Variants in CDH5 observed in about 807,000 individuals in gnomAD.
CDH5 encodes cadherin-5.
In CDH5, 28 loss-of-function variants were observed where a neutral mutation model predicts 62.0. The ratio of observed to expected loss-of-function variants is 0.45; its 90% CI spans 0.33 to 0.62. The LOEUF is 0.62. Ranked by LOEUF, CDH5 falls within the 20% of genes least tolerant of loss-of-function variation. The probability of loss-of-function intolerance (pLI) is 0.02; values close to 1 mark genes in which losing one functional copy is unlikely to be tolerated. For missense variants in CDH5, 940 were observed against 1,065.1 expected, an observed-to-expected ratio of 0.88 and a Z score of 1.63; for synonymous variants, 464 against 445.8, an observed-to-expected ratio of 1.04 and a Z score of -0.52.
chr16:66,366,785 C>T (rs1423677407), intron 1 of CDH5, 27 bp downstream of exon 1: 1 of 152,340 alleles, frequency 6.6e-6, no homozygotes, highest in African/African-American at 2.4e-5. Flanking sequence ...ACACTCCCCT[C>T]CACCCCAAAC....
At chr16:66,386,775 C>T (rs748547311) in intron 2 of CDH5, 34 bp from the exon 3 acceptor site, 21 of 1,553,576 alleles carry the variant, frequency 1.4e-5, no homozygotes, top group Non-Finnish European at 1.7e-5. Context: ...CCACTGCCGC[C>T]CATTCCCAGC....
chr16:66,369,256 A>AGAGTAGGAG (rs1352775011), intron 1 of CDH5, among the ~76,000 whole-genome samples: 3 of 152,152 alleles, frequency 2.0e-5, no homozygotes, highest in Non-Finnish European at 2.9e-5. Flanking sequence ...AGGAACAGAA[A>AGAGTAGGAG]GAGTAGGAGG....
rs761695825 is a variant in CDH5, at chr16:66,402,626, T to C, written c.1838-26T>C. On this transcript the variant is annotated intron_variant, in intron 11 of 11. Coordinates refer to ENST00000341529, the MANE Select transcript of CDH5 (RefSeq NM_001795.5). ...GCCCAGGCCCCCAGCCTTGTCTGAC[T>C]CTGCTGCTCGGCTCCCTGGCTGCAG... 3.9e-6 allele frequency: 6 copies of C among 1,533,704 alleles called. No individual in the cohort carries two copies. In the South Asian group the frequency reaches 7.8e-5, roughly 20 times the overall value.
chr16:66,368,348 C>G (rs940097441), intron 1 of CDH5, among the ~76,000 whole-genome samples: 1 of 152,156 alleles, frequency 6.6e-6, no homozygotes, highest in Non-Finnish European at 1.5e-5. Flanking sequence ...CCCTGAGCAG[C>G]CCTACCAATT....
intron 1 of CDH5, among the ~76,000 whole-genome samples, chr16:66,375,709 C>T (rs946136576): frequency 6.6e-6 from 1 of 151,806 alleles, no homozygotes; most frequent in Non-Finnish European, 1.5e-5. Context: ...AAACACCGTA[C>T]ACTTAGCTTC....
chr16:66,379,644 A>G (rs1383772822), intron 2 of CDH5, 97 bp downstream of exon 2: 5 of 1,045,574 alleles, frequency 4.8e-6, no homozygotes, highest in Non-Finnish European at 7.3e-6. Context: ...GTGGTAATAG[A>G]TATTGTGGTG....
chr16:66,385,454 G>A (rs1960966849), intron 2 of CDH5, among the ~76,000 whole-genome samples: 1 of 152,194 alleles, frequency 6.6e-6, no homozygotes, highest in African/African-American at 2.4e-5. Flanking sequence ...CTTTTCTGCA[G>A]AGCTGTACAT....
intron 2 of CDH5, among the ~76,000 whole-genome samples, chr16:66,381,821 C>T (rs986572795): frequency 2.0e-5 from 3 of 152,192 alleles, no homozygotes; most frequent in African/African-American, 4.8e-5. Flanking sequence ...ACAGATTGCC[C>T]GCAGCTGCTT....
intron 2 of CDH5, among the ~76,000 whole-genome samples, chr16:66,384,048 C>G (rs1960940478): frequency 1.3e-5 from 2 of 151,324 alleles, no homozygotes; most frequent in African/African-American, 4.9e-5. Flanking sequence ...GAGACCCCAG[C>G]CTCTCTTGAG....
At position 66,392,294 on chromosome 16, in the gene CDH5, C is replaced by T. The variant is rs564459111; in HGVS notation, c.1128C>T (p.Phe376=). ...VDEPPIFQQP[F]YHFQLKENQK... is the part of the protein sequence containing the mutation. ...AGCCCCCCATTTTCCAGCAGCCTTT[C>T]TACCACTTCCAGCTGAAGGAAAACC... Residue 376 remains phenylalanine (F), a synonymous_variant, in exon 7 of 12, where the codon TTC becomes TTT. Transcript: ENST00000341529. 23 of 1,614,138 alleles carry T rather than the reference C, an allele frequency of 1.4e-5. No homozygotes were observed. The South Asian group carries it at 2.3e-4, about 16-fold the overall frequency.
intron 7 of CDH5, chr16:66,395,624 T>G (rs1303670907): frequency 6.5e-6 from 1 of 153,100 alleles, no homozygotes; most frequent in Non-Finnish European, 1.5e-5. Context: ...CCATAGATTT[T>G]TCCTGATTTC....
At chr16:66,394,699 C>G (rs1961144038) in intron 7 of CDH5, among the ~76,000 whole-genome samples, 1 of 152,128 alleles carries the variant, frequency 6.6e-6, no homozygotes, top group African/African-American at 2.4e-5. Context: ...TAGACATACA[C>G]ACACCCATTG....
intron 1 of CDH5, among the ~76,000 whole-genome samples, chr16:66,376,804 T>C (rs1960795562): frequency 6.6e-6 from 1 of 152,122 alleles, no homozygotes; most frequent in Non-Finnish European, 1.5e-5. Flanking sequence ...AGCTGATACG[T>C]TTCCTCATTG....
intron 2 of CDH5, among the ~76,000 whole-genome samples, chr16:66,382,554 C>G (rs150239640): frequency 1.8e-3 from 269 of 152,308 alleles, no homozygotes; most frequent in Non-Finnish European, 3.0e-3. Flanking sequence ...TGTCTGACCT[C>G]AAGGAAAATC....
chr16:66,398,310 G>A (rs1596946528), intron 9 of CDH5, 146 bp from the exon 10 acceptor site: 1 of 772,446 alleles, frequency 1.3e-6, no homozygotes. Context: ...TAGAAAGAAT[G>A]GCTTTATGAA....
intron 7 of CDH5, among the ~76,000 whole-genome samples, chr16:66,393,338 A>G (rs1567466706): frequency 6.6e-6 from 1 of 152,234 alleles, no homozygotes; most frequent in Non-Finnish European, 1.5e-5. Flanking sequence ...CTATAAAGAA[A>G]TAGTTAAGAC....
rs1479886272 is a variant in CDH5 at position 66,389,479 on chromosome 16, C to A, written c.738C>A (p.Val246=). Residue 246 remains valine, a synonymous_variant, in exon 5 of 12, where the codon GTC becomes GTA. Transcript: ENST00000341529. ...ACTCGGGCACGGCCACCGTGCTGGT[C>A]ACTCTGCAAGACATCAATGACAACT... ...RGDSGTATVL[V]TLQDINDNFP... is the part of the protein sequence containing the mutation. 6.2e-7 allele frequency: 1 copy of A among 1,611,800 alleles called. No homozygotes were observed. The highest frequency in any genetic ancestry group is 8.5e-7 in the Non-Finnish European group (1 of 1,178,706).
chr16:66,378,058 C>T (rs1015633152), intron 1 of CDH5, among the ~76,000 whole-genome samples: 1 of 152,160 alleles, frequency 6.6e-6, no homozygotes. Flanking sequence ...AGACCCTCAA[C>T]TCACCACCCC....
intron 2 of CDH5, among the ~76,000 whole-genome samples, chr16:66,379,995 T>C (rs1960865089): frequency 6.9e-5 from 1 of 14,524 alleles, no homozygotes; most frequent in African/African-American, 2.8e-4. Flanking sequence ...ACGGTGATGG[T>C]GGTGATGATA....
Sources: gnomAD v4.1 joint callset for allele counts (sites outside exome capture counted in the v4.1 genomes callset) on GRCh38, gnomAD v4.1.1 for gene constraint, MANE v1.5 for transcripts, NCBI Gene and HGNC (gene_info 2026-07-23, HGNC 2026-07-21) for gene names.